The following NELL2 variants were observed in gnomAD, a reference collection of about 807,000 sequenced individuals.
NELL2 encodes the protein neural EGFL like 2, also known as protein kinase C-binding protein NELL2.
NELL2 carries 41 observed loss-of-function variants against 109.6 expected under a neutral mutation model. The observed-to-expected ratio is 0.37, with a 90% CI of 0.29 to 0.49. The LOEUF is 0.49. Among genes scored for constraint, NELL2 ranks in the 20% least tolerant of loss-of-function variants. NELL2 has a pLI of 0.98. For synonymous variants in NELL2, 355 were observed against 344.7 expected (o/e 1.03, Z -0.33); for missense variants, 900 against 1,008.3 (o/e 0.89, Z 1.45).
At chr12:44,792,020 G>A (rs996741365) in intron 3 of NELL2, among the ~76,000 whole-genome samples, 1 of 152,016 alleles carries the variant, frequency 6.6e-6, no homozygotes, top group African/African-American at 2.4e-5. Context: ...TGGCCAGGGA[G>A]ACTAGAGAAG....
At chr12:44,582,637 A>G (rs1360122402) in intron 15 of NELL2, among the ~76,000 whole-genome samples, 2 of 152,028 alleles carry the variant, frequency 1.3e-5, no homozygotes, top group Non-Finnish European at 2.9e-5. Flanking sequence ...GGAGTGATGT[A>G]GTTATAGGTG....
chr12:44,689,747 C>G (rs1431650428), intron 12 of NELL2, among the ~76,000 whole-genome samples: 2 of 152,124 alleles, frequency 1.3e-5, no homozygotes, highest in Non-Finnish European at 2.9e-5. Context: ...GTTGTCACAG[C>G]TAGGAATGTG....
intron 10 of NELL2, among the ~76,000 whole-genome samples, chr12:44,711,737 A>G (rs1938214632): frequency 6.6e-6 from 1 of 152,014 alleles, no homozygotes; most frequent in African/African-American, 2.4e-5. Flanking sequence ...AGTTTGAATT[A>G]TATCAACAGC....
Position 44,685,303 on chromosome 12 carries a change from T to C in NELL2, c.1318+18423A>G, listed in dbSNP as rs577310374. The stretch of plus-strand genomic sequence containing the variant: ...TCCATCCTTTTATTTTGAGCCTATG[T>C]GTGTCTCTGCACGTGAGATGGGTTT... On this transcript the variant is annotated intron_variant, in intron 12 of 19. Coordinates refer to ENST00000429094, the MANE Select transcript of NELL2 (RefSeq NM_001145108.2). Among the ~76,000 whole-genome samples, 10 of 152,174 alleles carry C rather than the reference T, an allele frequency of 6.6e-5. No homozygotes were observed. The East Asian group carries it at 1.4e-3, about 21-fold the overall frequency.
At chr12:44,683,180 A>C (rs1299062060) in intron 12 of NELL2, among the ~76,000 whole-genome samples, 3 of 152,138 alleles carry the variant, frequency 2.0e-5, no homozygotes, top group Non-Finnish European at 4.4e-5. Context: ...TCTTTGAAGC[A>C]ATTGTGAACG....
rs561495683 is a variant in NELL2, at chr12:44,598,827, C to T, written c.1663+8342G>A. 1.4e-3 allele frequency among the ~76,000 whole-genome samples: 206 copies of T among 142,882 alleles called. 3 individuals are homozygous for T. Among genetic ancestry groups the T allele is most frequent in the African/African-American group, 4.8e-3 (189 of 39,048 alleles). 93.7% of individuals were successfully genotyped at this position (142,882 alleles called of 152,430 possible). The stretch of plus-strand genomic sequence containing the variant: ...ATAGGCAGAATCCTTGGAAGGCCTG[C>T]CCCTCAGTTTAAGAGTAAGAAAGAA... On this transcript the variant is annotated intron_variant, in intron 15 of 19. Transcript: ENST00000429094.
intron 1 of NELL2, among the ~76,000 whole-genome samples, chr12:44,903,601 C>G (rs920722038): frequency 6.6e-6 from 1 of 152,216 alleles, no homozygotes; most frequent in Non-Finnish European, 1.5e-5. Flanking sequence ...ATGTTTATTG[C>G]AGCACTATTC....
At chr12:44,541,644 C>A (rs971541058) in intron 15 of NELL2, among the ~76,000 whole-genome samples, 1 of 152,060 alleles carries the variant, frequency 6.6e-6, no homozygotes, top group Non-Finnish European at 1.5e-5. Flanking sequence ...AGAAAAATAT[C>A]TTTAATAATA....
chr12:44,786,949 G>A (rs936550105), intron 3 of NELL2, among the ~76,000 whole-genome samples: 6 of 151,966 alleles, frequency 3.9e-5, no homozygotes, highest in African/African-American at 1.5e-4. Context: ...CCTAGATGAT[G>A]GGTTGATGGG....
rs74920670 is a variant in NELL2, at chr12:44,795,088, A to G, written c.336-15066T>C. ...ATCATTCATTTTAACAACCTCCTTCATCACTCAAGATCAAAGGATAAAAAT... is the reference window on the plus strand; with the variant it reads ...ATCATTCATTTTAACAACCTCCTTCGTCACTCAAGATCAAAGGATAAAAAT... On this transcript the variant is annotated intron_variant, in intron 3 of 19. Transcript: ENST00000429094. Among the ~76,000 whole-genome samples, 132 of 152,272 alleles carry G rather than the reference A, an allele frequency of 8.7e-4. 3 individuals are homozygous for G. The East Asian group carries it at 0.022, about 25-fold the overall frequency.
intron 13 of NELL2, among the ~76,000 whole-genome samples, chr12:44,654,892 T>TA (rs1276644471): frequency 2.0e-5 from 3 of 152,076 alleles, no homozygotes; most frequent in African/African-American, 7.2e-5. Context: ...CAGAAGGTGA[T>TA]AAGGCACAAG....
intron 16 of NELL2, among the ~76,000 whole-genome samples, chr12:44,527,954 C>T (rs1443907178): frequency 2.6e-5 from 4 of 151,336 alleles, no homozygotes; most frequent in African/African-American, 9.7e-5. Flanking sequence ...ATTAGCCCGG[C>T]GTGGTGGCGG....
At chr12:44,800,181 C>A (rs1485357806) in intron 3 of NELL2, among the ~76,000 whole-genome samples, 3 of 151,998 alleles carry the variant, frequency 2.0e-5, no homozygotes, top group African/African-American at 7.2e-5. Context: ...GGTAAATAAG[C>A]ACATTTTAGT....
chr12:44,726,253 A>AT (rs111462167), intron 9 of NELL2, among the ~76,000 whole-genome samples: 11,432 of 152,228 alleles, frequency 0.075, 1,391 homozygotes, highest in African/African-American at 0.26. Context: ...TACTGAATGA[A>AT]ACAAATCATC....
intron 9 of NELL2, among the ~76,000 whole-genome samples, chr12:44,760,186 A>C (rs1941062213): frequency 6.6e-6 from 1 of 152,200 alleles, no homozygotes; most frequent in African/African-American, 2.4e-5. Context: ...TTACTCCACC[A>C]AAATTAGTCC....
intron 2 of NELL2, among the ~76,000 whole-genome samples, chr12:44,830,774 C>T (rs1943862171): frequency 6.6e-6 from 1 of 151,944 alleles, no homozygotes; most frequent in African/African-American, 2.4e-5. Context: ...GCCCAGTCTA[C>T]AAAGTTGAGC....
intron 9 of NELL2, among the ~76,000 whole-genome samples, chr12:44,717,813 G>A (rs922012739): frequency 2.6e-5 from 4 of 152,232 alleles, no homozygotes; most frequent in South Asian, 2.1e-4. Flanking sequence ...CTGCCTTCCA[G>A]TTTCCTGCCA....
chr12:44,821,789 C>T (rs1158105839), intron 2 of NELL2, among the ~76,000 whole-genome samples: 1 of 151,968 alleles, frequency 6.6e-6, no homozygotes, highest in African/African-American at 2.4e-5. Context: ...GCAATCTCGG[C>T]TCACTGCAAC....
At chr12:44,709,700 T>G (rs753099045) in intron 11 of NELL2, among the ~76,000 whole-genome samples, 1 of 152,196 alleles carries the variant, frequency 6.6e-6, no homozygotes, top group Non-Finnish European at 1.5e-5. Context: ...AAATTCAGAT[T>G]CTTAGGCCTG....
Sources: gnomAD v4.1 joint callset for allele counts (sites outside exome capture counted in the v4.1 genomes callset) on GRCh38, gnomAD v4.1.1 for gene constraint, MANE v1.5 for transcripts, NCBI Gene and HGNC (gene_info 2026-07-23, HGNC 2026-07-21) for gene names.